The following PPP6R1 variants were observed in gnomAD, a reference collection of about 807,000 sequenced individuals.
PPP6R1 encodes the protein protein phosphatase 6 regulatory subunit 1, also known as serine/threonine-protein phosphatase 6 regulatory subunit 1.
A neutral mutation model predicts 104.6 loss-of-function variants in PPP6R1; 39 were observed. The ratio of observed to expected loss-of-function variants is 0.37; its 90% confidence interval spans 0.29 to 0.49. The LOEUF (loss-of-function observed/expected upper bound fraction) is 0.49, where lower values mean the gene tolerates loss of function less well. Among genes scored for constraint, PPP6R1 ranks in the 20% least tolerant of loss-of-function variants. The probability of loss-of-function intolerance (pLI) is 0.98; values close to 1 mark genes in which losing one functional copy is unlikely to be tolerated. For synonymous variants in PPP6R1, 549 were observed against 479.0 expected (o/e 1.15, Z -1.91); for missense variants, 1,181 against 1,155.8 (o/e 1.02, Z -0.32).
intron 17 of PPP6R1, among the ~76,000 whole-genome samples, chr19:55,234,496 A>T (rs1357885201): frequency 6.6e-6 from 1 of 152,236 alleles, no homozygotes; most frequent in East Asian, 1.9e-4. Flanking sequence ...ACCTCACATC[A>T]TATACAAAAT....
chr19:55,241,024 C>G lies in PPP6R1; in HGVS notation c.1217G>C (p.Cys406Ser). 6.4e-7 allele frequency: 1 copy of G among 1,574,550 alleles called. No homozygotes were observed. Among genetic ancestry groups the G allele is most frequent in the South Asian group, 1.2e-5 (1 of 85,604 alleles). ...NNFLHAQVEG[C>S]VSTMLSLGPP... ...CCCCAAGCTCAGCATGGTGCTCACG[C>G]ATCCCTCTACTTGGGCATGCAAGAA... The change falls in exon 10 of 24, where the codon TGC (cysteine) becomes TCC (serine). Residue 406 changes from cysteine (C) to serine (S), a missense_variant. Around this residue, in one of 2 missense-constraint regions of PPP6R1, gnomAD observed 1,042 missense variants for 955.6 expected, o/e 1.09. Transcript: ENST00000412770. This position sits in a 1 kb window ranked among gnomAD's most constrained non-coding sequence, Gnocchi z 5.4.
At position 55,242,380 on chromosome 19, in the gene PPP6R1, C is replaced by T; in HGVS notation, c.727G>A (p.Glu243Lys). 6.2e-7 allele frequency: 1 copy of T among 1,613,314 alleles called. No homozygotes were observed. The highest frequency in any genetic ancestry group is 8.5e-7 in the Non-Finnish European group (1 of 1,179,248). ...TAGCCTTGCCCGCACACCCACTTCT[C>T]CAGGGTGGCCAGCAGTTGGTCAGGC... ...PEPDQLLATL[E>K]KQETIEQLLS... The change falls in exon 6 of 24, where the codon GAG becomes AAG. Residue 243 changes from glutamate to lysine, a missense_variant. Physicochemically the swap from Glu to Lys is moderately conservative, Grantham distance 56 (BLOSUM62 1). Transcript: ENST00000412770.
In PPP6R1 at chr19:55,241,696, AG is replaced by A. The variant is rs2087459522; in HGVS notation, c.846-58del. 2 of 1,482,652 alleles carry A rather than the reference AG, an allele frequency of 1.3e-6. No individual in the cohort carries two copies. The highest frequency in any genetic ancestry group is 1.8e-4 in the Middle Eastern group (1 of 5,640). The allele number at this position is 1,482,652 out of a possible 1,614,324, so 91.8% of individuals were successfully genotyped here. A position where few individuals can be genotyped will look rare whatever the true frequency, so the allele number is the denominator to read the frequency against. ...GCCTAGATGGCCTGTGCGCCCACAC[AG>A]GAGTAGGCACAAGGACCACGTCTGC... is the stretch of plus-strand genomic sequence containing the variant. On this transcript the variant is annotated intron_variant, in intron 7 of 23. Transcript: ENST00000412770. The surrounding 1 kb of genome is among the most constrained non-coding windows in gnomAD (Gnocchi z 5.4).
At position 55,240,256 on chromosome 19, in the gene PPP6R1, C is replaced by T; in HGVS notation, c.1341G>A (p.Trp447Ter). The part of the protein sequence containing the change: ...CRLVERILTS[W>*]EENDRVQCAG... ...CTCACTGTACACGGTCGTTCTCCTCCCAGGACGTCAGGATCCGCTCCACCA... is the reference window on the plus strand; with the variant it reads ...CTCACTGTACACGGTCGTTCTCCTCTCAGGACGTCAGGATCCGCTCCACCA... Residue 447 changes from tryptophan (W) to a stop codon, truncating the protein, a stop_gained, in exon 11 of 24, where the codon TGG becomes TGA. Coordinates refer to ENST00000412770, the MANE Select transcript of PPP6R1 (RefSeq NM_014931.4). LOFTEE classifies it high-confidence loss of function. 6.3e-7 allele frequency: 1 copy of T among 1,594,474 alleles called. No individual in the cohort carries two copies. The highest frequency in any genetic ancestry group is 8.5e-7 in the Non-Finnish European group (1 of 1,171,150).
At position 55,240,225 on chromosome 19, in the gene PPP6R1, C is replaced by T. The variant is rs1276264004; in HGVS notation, c.1361+11G>A. 9.5e-6 allele frequency: 15 copies of T among 1,583,928 alleles called. No homozygotes were observed. The East Asian group carries it at 3.3e-4, about 34-fold the overall frequency. ...CAGCCCCTGGAGACATGAAGGGCAG[C>T]AGGTGCTCACTGTACACGGTCGTTC... On this transcript the variant is annotated intron_variant, in intron 11 of 23. Coordinates refer to ENST00000412770, the MANE Select transcript of PPP6R1 (RefSeq NM_014931.4).
intron 1 of PPP6R1, among the ~76,000 whole-genome samples, chr19:55,253,296 G>A (rs2087567809): frequency 6.6e-6 from 1 of 152,264 alleles, no homozygotes; most frequent in African/African-American, 2.4e-5. Context: ...GGCTTCCAGT[G>A]TGCCCTGGTC....
chr19:55,252,399 T>TC (rs2087560729), intron 1 of PPP6R1, among the ~76,000 whole-genome samples: 1 of 147,808 alleles, frequency 6.8e-6, no homozygotes, highest in South Asian at 2.2e-4. Context: ...TTGGCTGATT[T>TC]TTTTTTTTTT....
chr19:55,233,411 C>A (rs900348272), intron 17 of PPP6R1, among the ~76,000 whole-genome samples: 1 of 152,190 alleles, frequency 6.6e-6, no homozygotes, highest in Non-Finnish European at 1.5e-5. Context: ...GATGCCTGTT[C>A]TTGCCACTTC....
Position 55,230,467 on chromosome 19 carries a change from C to T in PPP6R1, c.*61G>A, listed in dbSNP as rs955098976. On this transcript the variant is annotated 3_prime_UTR_variant, in exon 24 of 24. Coordinates refer to ENST00000412770, the MANE Select transcript of PPP6R1 (RefSeq NM_014931.4). The stretch of plus-strand genomic sequence containing the variant: ...GGGGCCATCGTGGGACCCGCCCTGC[C>T]CCCACCCCGGGAGATCCACGGGAGG... 3 of 1,609,134 alleles carry T rather than the reference C, an allele frequency of 1.9e-6. No individual in the cohort carries two copies. The South Asian group carries it at 3.3e-5, about 18-fold the overall frequency.
Position 55,230,837 on chromosome 19 carries a change from T to A in PPP6R1, c.2507A>T (p.Gln836Leu). The A allele has an allele frequency of 6.5e-7, 1 of 1,549,778 alleles. No homozygotes were observed. Residue 836 changes from glutamine to leucine, a missense_variant, in exon 22 of 24, where the codon CAG (glutamine) becomes CTG (leucine). This residue lies in a region of PPP6R1 where 1,042 missense variants were observed against 955.6 expected (regional missense o/e 1.09). Coordinates refer to ENST00000412770, the MANE Select transcript of PPP6R1 (RefSeq NM_014931.4). ...STSVPASGAH[Q>L]PPQTTEGEKS... ...CTCCCCTTCTGTGGTCTGGGGGGGC[T>A]GGTGGGCCCCGGAGGCTGGGACAGA...
intron 10 of PPP6R1, among the ~76,000 whole-genome samples, chr19:55,240,671 A>G (rs112296391): frequency 0.049 from 7,508 of 151,930 alleles, 518 homozygotes; most frequent in African/African-American, 0.16. Context: ...TCACACACGC[A>G]CGTGTGCGCA....
At position 55,242,155 on chromosome 19, in the gene PPP6R1, G is replaced by A. The variant is rs770803676; in HGVS notation, c.845+11C>T. 40 of 1,608,070 alleles carry A rather than the reference G, an allele frequency of 2.5e-5. No homozygotes were observed. The highest frequency in any genetic ancestry group is 4.0e-5 in the African/African-American group (3 of 74,818). On this transcript the variant is annotated intron_variant, in intron 7 of 23. Transcript: ENST00000412770. ...GGGCAGCATGCATGGTCTGTGGCCC[G>A]TATCCCTCACCTCGGCCTCCTGGGC... is the stretch of plus-strand genomic sequence containing the variant.
At position 55,231,915 on chromosome 19, in the gene PPP6R1, C is replaced by A; in HGVS notation, c.2193G>T (p.Gly731=). The stretch of plus-strand genomic sequence containing the variant: ...GAGGCCCAGTGTGCAGCTCTTCCTC[C>A]CCGGAGACTCGGGGGCTGGTCGGGG... ...TDAPTSPRVS[G]EEELHTGPPA... is the part of the protein sequence containing the mutation. The change falls in exon 19 of 24, where the codon GGG becomes GGT. Residue 731 remains glycine, a synonymous_variant. Coordinates refer to ENST00000412770, the MANE Select transcript of PPP6R1 (RefSeq NM_014931.4). The A allele has an allele frequency of 6.5e-7, 1 of 1,548,482 alleles. No homozygotes were observed.
chr19:55,230,882 G>T lies in PPP6R1; in HGVS notation c.2462C>A (p.Ala821Glu). The T allele has an allele frequency of 6.2e-7, 1 of 1,603,664 alleles. No homozygotes were observed. ...GACAGAGGTAGAGGGGTCTCTGGTT[G>T]CACTGTGGGTGAGAGGCAGGTGCGG... ...IRSAPSSSDSATRDPSTSVPA... is the reference protein window; with the variant it reads ...IRSAPSSSDSETRDPSTSVPA... Residue 821 changes from alanine (A) to glutamate (E), a missense_variant and splice_region_variant, in exon 22 of 24, where the codon GCA becomes GAA. By Grantham distance (107) the Ala-to-Glu change is moderately radical. Coordinates refer to ENST00000412770, the MANE Select transcript of PPP6R1 (RefSeq NM_014931.4).
At chr19:55,231,099 G>A in intron 21 of PPP6R1, 1 of 617,078 alleles carries the variant, frequency 1.6e-6, no homozygotes. Context: ...TCCTGTCCCT[G>A]TGGAGGAGGT....
chr19:55,239,948 C>T (rs202090643), intron 12 of PPP6R1, 37 bp from the exon 13 acceptor site: 27 of 1,612,528 alleles, frequency 1.7e-5, no homozygotes, highest in Admixed American at 3.3e-5. Flanking sequence ...TGAGGCATCT[C>T]GGGGCTTCAA....
At chr19:55,249,353 C>T (rs1218075287) in intron 1 of PPP6R1, among the ~76,000 whole-genome samples, 8 of 152,138 alleles carry the variant, frequency 5.3e-5, no homozygotes, top group Admixed American at 1.3e-4. Context: ...GCGATTCTTC[C>T]GCCTCAACCT....
At chr19:55,254,725 G>A (rs551091824) in intron 1 of PPP6R1, among the ~76,000 whole-genome samples, 3 of 152,324 alleles carry the variant, frequency 2.0e-5, no homozygotes, top group East Asian at 3.9e-4. Flanking sequence ...CCCTAGGAAG[G>A]GAAAGAGCCT....
rs2087461431 is a variant in PPP6R1 at position 55,241,858 on chromosome 19, G to A, written c.846-219C>T. 6.6e-6 allele frequency among the ~76,000 whole-genome samples: 1 copy of A among 152,216 alleles called. No individual in the cohort carries two copies. Among genetic ancestry groups the A allele is most frequent in the African/African-American group, 2.4e-5 (1 of 41,454 alleles). On this transcript the variant is annotated intron_variant, in intron 7 of 23. Coordinates refer to ENST00000412770, the MANE Select transcript of PPP6R1 (RefSeq NM_014931.4). This position sits in a 1 kb window ranked among gnomAD's most constrained non-coding sequence, Gnocchi z 5.4. Reference sequence around the variant, plus strand: ...GTCCACTGTGAGAGCACGGGTGAGGGGTGGAGGCGGGAAGGCAAACCCAAC... The same window carrying A: ...GTCCACTGTGAGAGCACGGGTGAGGAGTGGAGGCGGGAAGGCAAACCCAAC...
Sources: gnomAD v4.1 joint callset for allele counts (sites outside exome capture counted in the v4.1 genomes callset) on GRCh38, gnomAD v4.1.1 for gene constraint, gnomAD v4.1.1 regional missense constraint, Gnocchi (gnomAD v3.1) non-coding constraint, MANE v1.5 for transcripts, NCBI Gene and HGNC (gene_info 2026-07-23, HGNC 2026-07-21) for gene names.